Variants in AKAP13 observed in about 807,000 individuals in gnomAD.
AKAP13 encodes the protein A-kinase anchor protein 13.
AKAP13 carries 80 observed loss-of-function variants against 264.5 expected under a neutral mutation model. That is an observed-to-expected ratio of 0.30 (90% CI 0.25 to 0.36). AKAP13 has a LOEUF of 0.36. AKAP13 is among the 10% of genes least tolerant of loss of function. The pLI is 1.00. For missense variants in AKAP13, 3,712 were observed against 3,435.2 expected (o/e 1.08, Z -2.01); for synonymous variants, 1,380 against 1,250.2 (o/e 1.10, Z -2.19).
At chr15:85,415,274 C>CA in intron 1 of AKAP13, 1 of 1,583,526 alleles carries the variant, frequency 6.3e-7, no homozygotes, top group Non-Finnish European at 8.6e-7. Context: ...TGGTGGACAG[C>CA]AGAGGCTTTG....
intron 2 of AKAP13, among the ~76,000 whole-genome samples, chr15:85,493,968 A>C (rs2075803430): frequency 1.3e-5 from 2 of 152,238 alleles, no homozygotes; most frequent in South Asian, 4.1e-4. Flanking sequence ...CTCTCTGTTG[A>C]CATTAGCCCT....
intron 20 of AKAP13, 93 bp downstream of exon 20, chr15:85,716,016 T>A (rs2086913670): frequency 7.1e-6 from 10 of 1,399,254 alleles, no homozygotes; most frequent in East Asian, 2.6e-5. Flanking sequence ...TTTTTTTTTT[T>A]AAGAAATAAA....
chr15:85,407,863 A>G (rs1412301820), intron 1 of AKAP13, among the ~76,000 whole-genome samples: 2 of 151,638 alleles, frequency 1.3e-5, no homozygotes, highest in African/African-American at 4.9e-5. Flanking sequence ...GCAGAGGGAG[A>G]AGGGAGCATT....
intron 12 of AKAP13, among the ~76,000 whole-genome samples, chr15:85,664,141 T>C (rs533127604): frequency 1.3e-5 from 2 of 152,350 alleles, no homozygotes; most frequent in East Asian, 3.9e-4. Flanking sequence ...TTACCCAGTT[T>C]GCCTTCTGAA....
In AKAP13 at chr15:85,743,576, A is replaced by G. The variant is rs367775794; in HGVS notation, c.8143A>G (p.Ile2715Val). Residue 2715 changes from isoleucine (I) to valine (V), a missense_variant, in exon 36 of 37, where the codon ATA becomes GTA. This residue lies in a region of AKAP13 where 611 missense variants were observed against 539.3 expected (regional missense o/e 1.13). Transcript: ENST00000394518. ...GCCCCCCTCGCCATCTGCACCTTCC[A>G]TAGCCAAATCAGGGTCATTGGACTC... ...EEPPSPSAPS[I>V]AKSGSLDSEL... 8.7e-5 allele frequency: 140 copies of G among 1,614,060 alleles called. 1 individual carries two copies. Among genetic ancestry groups the G allele is most frequent in the Non-Finnish European group, 1.2e-4 (136 of 1,180,036 alleles).
intron 1 of AKAP13, among the ~76,000 whole-genome samples, chr15:85,403,533 C>T (rs2150846160): frequency 6.6e-6 from 1 of 152,186 alleles, no homozygotes; most frequent in Non-Finnish European, 1.5e-5. Flanking sequence ...TCGCTTTTGG[C>T]TAGAAGCATT....
intron 25 of AKAP13, among the ~76,000 whole-genome samples, 167 bp from the exon 26 acceptor site, chr15:85,722,905 C>T (rs2087382495): frequency 6.6e-6 from 1 of 152,086 alleles, no homozygotes; most frequent in South Asian, 2.1e-4. Context: ...TAGAATCAAA[C>T]TTATGACAGC....
At chr15:85,676,053 A>G (rs1199895901) in intron 14 of AKAP13, among the ~76,000 whole-genome samples, 1 of 152,086 alleles carries the variant, frequency 6.6e-6, no homozygotes, top group African/African-American at 2.4e-5. Flanking sequence ...CTGGGATTAC[A>G]GGTGCCCACC....
At chr15:85,525,356 C>G (rs1481372033) in intron 3 of AKAP13, among the ~76,000 whole-genome samples, 3 of 152,082 alleles carry the variant, frequency 2.0e-5, no homozygotes, top group Admixed American at 2.0e-4. Context: ...CCGTGCCCAG[C>G]CTGAATTGTT....
chr15:85,702,556 C>T (rs999759014), intron 17 of AKAP13: 3 of 152,192 alleles, frequency 2.0e-5, no homozygotes, highest in Admixed American at 1.3e-4. Context: ...AACCTTTGTG[C>T]TCTTAGGAGA....
intron 1 of AKAP13, among the ~76,000 whole-genome samples, chr15:85,447,525 C>G (rs572048196): frequency 1.3e-5 from 2 of 152,164 alleles, no homozygotes; most frequent in Admixed American, 6.5e-5. Flanking sequence ...TCCCTCCTCC[C>G]CCACCCCCAA....
intron 2 of AKAP13, among the ~76,000 whole-genome samples, chr15:85,509,500 A>G (rs531569625): frequency 1.2e-4 from 18 of 152,120 alleles, no homozygotes; most frequent in Non-Finnish European, 2.4e-4. Context: ...TTCTTCTGGT[A>G]GGATTTCTGT....
rs1156504640 is a variant in AKAP13, at chr15:85,682,166, CCCTTCCACAGTA to C, written c.5120_5131del (p.Ser1707_His1710del). On this transcript the variant is annotated inframe_deletion, in exon 15 of 37. Transcript: ENST00000394518. ...TCTGCCTTGTTTTCTAGATTCACGG[CCCTTCCACAGTA>C]CCTTCCACAATACCAGTGCTAATCT... The C allele has an allele frequency of 3.7e-6, 6 of 1,613,326 alleles. No homozygotes were observed. Among genetic ancestry groups the C allele is most frequent in the Non-Finnish European group, 4.2e-6 (5 of 1,179,926 alleles).
chr15:85,728,437 C>G (rs1384907394), intron 29 of AKAP13, among the ~76,000 whole-genome samples: 2 of 152,164 alleles, frequency 1.3e-5, no homozygotes, highest in African/African-American at 4.8e-5. Flanking sequence ...TAAAAATCTT[C>G]CTTCTTTAAA....
intron 2 of AKAP13, among the ~76,000 whole-genome samples, chr15:85,490,903 G>T (rs35406378): frequency 6.6e-6 from 1 of 152,062 alleles, no homozygotes; most frequent in African/African-American, 2.4e-5. Context: ...ACCAGGGGCT[G>T]TTTTATCTTG....
rs116329657 is a variant in AKAP13 at position 85,743,639 on chromosome 15, C to T, written c.8206C>T (p.Arg2736Trp). Residue 2736 changes from arginine to tryptophan, a missense_variant, in exon 36 of 37, where the codon CGG becomes TGG. Arg to Trp is a moderately radical substitution (Grantham distance 101). Around this residue, in one of 3 missense-constraint regions of AKAP13, gnomAD observed 611 missense variants for 539.3 expected, o/e 1.13. Coordinates refer to ENST00000394518, the MANE Select transcript of AKAP13 (RefSeq NM_007200.5). ...GTCCCCAAAAAGGAACAGCATCTCTCGGACACACAAAGATAAGGGGCCTTT... is the reference window on the plus strand; with the variant it reads ...GTCCCCAAAAAGGAACAGCATCTCTTGGACACACAAAGATAAGGGGCCTTT... ...SVSPKRNSISRTHKDKGPFHI... is the reference protein window; with the variant it reads ...SVSPKRNSISWTHKDKGPFHI... 5.5e-4 allele frequency: 887 copies of T among 1,614,126 alleles called. No homozygotes were observed. The highest frequency in any genetic ancestry group is 6.6e-4 in the Non-Finnish European group (784 of 1,180,026).
chr15:85,617,883 A>G (rs2081010998), intron 8 of AKAP13, among the ~76,000 whole-genome samples: 1 of 152,244 alleles, frequency 6.6e-6, no homozygotes. Context: ...GATAAGCCTG[A>G]GCAAGAATTT....
intron 3 of AKAP13, among the ~76,000 whole-genome samples, chr15:85,526,103 A>G (rs766722606): frequency 4.6e-5 from 7 of 152,186 alleles, no homozygotes; most frequent in Non-Finnish European, 1.0e-4. Flanking sequence ...TTTCACTGAT[A>G]AGGGAGGGTA....
intron 1 of AKAP13, among the ~76,000 whole-genome samples, chr15:85,385,044 T>A (rs2070483077): frequency 6.6e-6 from 1 of 152,202 alleles, no homozygotes; most frequent in Non-Finnish European, 1.5e-5. Context: ...TTTGACCATT[T>A]ATGTCACTCT....
Sources: gnomAD v4.1 joint callset for allele counts (sites outside exome capture counted in the v4.1 genomes callset) on GRCh38, gnomAD v4.1.1 for gene constraint, gnomAD v4.1.1 regional missense constraint, MANE v1.5 for transcripts, NCBI Gene and HGNC (gene_info 2026-07-23, HGNC 2026-07-21) for gene names.